TRHDE: variants seen among roughly 807,000 people sequenced by gnomAD.
TRHDE encodes thyrotropin-releasing hormone-degrading ectoenzyme.
TRHDE carries 72 observed loss-of-function variants against 125.7 expected under a neutral mutation model. The ratio of observed to expected loss-of-function variants is 0.57; its 90% CI spans 0.47 to 0.70. The LOEUF is 0.70. Ranked by LOEUF, TRHDE falls within the 30% of genes least tolerant of loss-of-function variation. The pLI, the probability that TRHDE is intolerant of heterozygous loss-of-function variation, is 0.00. For missense variants in TRHDE, 1,110 were observed against 1,327.1 expected (o/e 0.84, Z 2.54); for synonymous variants, 509 against 509.1 (o/e 1.00, Z 0.00).
chr12:72,352,818 G>T (rs1870643328), intron 2 of TRHDE, among the ~76,000 whole-genome samples: 2 of 151,568 alleles, frequency 1.3e-5, no homozygotes, highest in African/African-American at 2.4e-5. Flanking sequence ...ATGATAAATT[G>T]TTCCTCTGGG....
Position 72,273,103 on chromosome 12 carries a change from C to A in TRHDE, c.460C>A (p.Pro154Thr). The change falls in exon 1 of 19, where the codon CCC (proline) becomes ACC (threonine). Residue 154 changes from proline to threonine, a missense_variant. By Grantham distance (38) the Pro-to-Thr change is conservative. This residue lies in a region of TRHDE where 248 missense variants were observed against 240.8 expected (regional missense o/e 1.03). Coordinates refer to ENST00000261180, the MANE Select transcript of TRHDE (RefSeq NM_013381.3). This position sits in a 1 kb window ranked among gnomAD's most constrained non-coding sequence, Gnocchi z 5.3. ...NHHAGGDSWQ[P>T]EAGGVASPGT... ...CCACGCAGGCGGGGACTCCTGGCAGCCCGAGGCGGGTGGGGTGGCCAGTCC... is the reference window on the plus strand; with the variant it reads ...CCACGCAGGCGGGGACTCCTGGCAGACCGAGGCGGGTGGGGTGGCCAGTCC... 1 of 1,522,778 alleles carries A rather than the reference C, an allele frequency of 6.6e-7. No individual in the cohort carries two copies. Among genetic ancestry groups the A allele is most frequent in the Non-Finnish European group, 8.8e-7 (1 of 1,136,102 alleles). The allele number at this position is 1,522,778 out of a possible 1,614,324, so 94.3% of individuals were successfully genotyped here.
At chr12:72,611,196 G>T in intron 12 of TRHDE, 1 of 201,224 alleles carries the variant, frequency 5.0e-6, no homozygotes, top group South Asian at 1.1e-4. Context: ...TGTCTGTGCT[G>T]ATCTGCAGGC....
intron 1 of TRHDE, among the ~76,000 whole-genome samples, chr12:72,090,102 T>C (rs1028584968): frequency 6.6e-6 from 1 of 152,150 alleles, no homozygotes; most frequent in East Asian, 1.9e-4. Flanking sequence ...TAGGTTGACA[T>C]AGACTGTGGC....
In TRHDE at chr12:72,138,295, A is replaced by C. The variant is rs147300030; in HGVS notation, n.279+32543A>C. ...GAGGCTGAGGCAGGGGAATTGCTTG[A>C]ACCTAGGAGGCGGAGGTTGCAGTGA... is the stretch of plus-strand genomic sequence containing the variant. On this transcript the variant is annotated intron_variant and non_coding_transcript_variant, in intron 2 of 4. Transcript: ENST00000548156. Among the ~76,000 whole-genome samples, 174 of 152,258 alleles carry C rather than the reference A, an allele frequency of 1.1e-3. 2 individuals are homozygous for C. The highest frequency in any genetic ancestry group is 3.4e-3 in the Middle Eastern group (1 of 294).
At chr12:72,618,656 T>A (rs1872917667) in intron 12 of TRHDE, among the ~76,000 whole-genome samples, 1 of 152,154 alleles carries the variant, frequency 6.6e-6, no homozygotes, top group Non-Finnish European at 1.5e-5. Context: ...TTTAAAAAAA[T>A]ATGCGTTCTG....
At position 72,187,310 on chromosome 12, in the gene TRHDE, A is replaced by AACACACACACAC. The variant is rs59164233; in HGVS notation, n.279+81599_279+81610dup. On this transcript the variant is annotated intron_variant and non_coding_transcript_variant, in intron 2 of 4. Transcript: ENST00000548156. The stretch of plus-strand genomic sequence containing the variant: ...GTACTAGGGTTCTTCAGAGAAACAC[A>AACACACACACAC]ACACACACACACACACACACACACA... 2.0e-3 allele frequency among the ~76,000 whole-genome samples: 257 copies of AACACACACACAC among 131,324 alleles called. 1 individual carries two copies. The highest frequency in any genetic ancestry group is 5.8e-3 in the African/African-American group (201 of 34,474). 86.2% of individuals were successfully genotyped at this position (131,324 alleles called of 152,430 possible).
At chr12:72,441,339 T>G (rs1875001253) in intron 3 of TRHDE, among the ~76,000 whole-genome samples, 1 of 151,906 alleles carries the variant, frequency 6.6e-6, no homozygotes, top group East Asian at 1.9e-4. Flanking sequence ...ACAGCAGTAA[T>G]AAAATTGACT....
intron 3 of TRHDE, among the ~76,000 whole-genome samples, chr12:72,378,491 C>T (rs559893602): frequency 1.2e-4 from 19 of 152,206 alleles, no homozygotes; most frequent in Middle Eastern, 6.8e-3. Context: ...AGTTGAGACC[C>T]AGGGAGTTTT....
chr12:72,298,926 G>A (rs1880403559), intron 2 of TRHDE, among the ~76,000 whole-genome samples: 1 of 152,126 alleles, frequency 6.6e-6, no homozygotes, highest in Non-Finnish European at 1.5e-5. Flanking sequence ...GACTGTCTGG[G>A]CAAGCAAGTG....
At chr12:72,468,055 C>A (rs1055326747) in intron 3 of TRHDE, among the ~76,000 whole-genome samples, 2 of 152,134 alleles carry the variant, frequency 1.3e-5, no homozygotes, top group African/African-American at 4.8e-5. Flanking sequence ...TGACTGTCTT[C>A]CATCCTTTTC....
At chr12:72,438,585 T>A (rs1203380733) in intron 3 of TRHDE, among the ~76,000 whole-genome samples, 1 of 151,898 alleles carries the variant, frequency 6.6e-6, no homozygotes. Context: ...ATGTCTATCA[T>A]GGTGTTTTGC....
chr12:72,401,847 T>G (rs79617532), intron 3 of TRHDE, among the ~76,000 whole-genome samples: 3 of 152,166 alleles, frequency 2.0e-5, no homozygotes, highest in Admixed American at 2.0e-4. Context: ...TGGAATTGAT[T>G]GCCTGGGATG....
At chr12:72,637,240 T>A (rs1364258785) in intron 15 of TRHDE, among the ~76,000 whole-genome samples, 9 of 152,102 alleles carry the variant, frequency 5.9e-5, no homozygotes, top group East Asian at 1.9e-4. Flanking sequence ...GGGAGAGTGT[T>A]TGTGTCGAGG....
intron 2 of TRHDE, among the ~76,000 whole-genome samples, chr12:72,362,737 TG>T (rs1429412796): frequency 2.6e-5 from 4 of 152,106 alleles, no homozygotes; most frequent in Non-Finnish European, 5.9e-5. Context: ...AATTAATTTT[TG>T]TATAAGGTGT....
chr12:72,421,725 T>G (rs1308685655), intron 3 of TRHDE, among the ~76,000 whole-genome samples: 1 of 152,142 alleles, frequency 6.6e-6, no homozygotes. Context: ...GTTAGTTTGA[T>G]TATTATTATT....
intron 2 of TRHDE, among the ~76,000 whole-genome samples, chr12:72,351,451 T>C (rs954144328): frequency 6.6e-6 from 1 of 151,950 alleles, no homozygotes. Context: ...CATACAGAGA[T>C]GTACTCAACT....
chr12:72,669,059 C>T lies in TRHDE; in HGVS notation c.*5864C>T, dbSNP rs1875187062. The T allele has an allele frequency of 6.6e-6, 1 of 151,594 alleles. No individual in the cohort carries two copies. The highest frequency in any genetic ancestry group is 1.9e-4 in the East Asian group (1 of 5,152). The allele number at this position is 151,594 out of a possible 1,614,324, so 9.4% of individuals were successfully genotyped here. A position where few individuals can be genotyped will look rare whatever the true frequency, so the allele number is the denominator to read the frequency against. On this transcript the variant is annotated 3_prime_UTR_variant, in exon 19 of 19. Transcript: ENST00000261180. ...TTTTCATGAAAACATTTTACATTAGCATGTTGTGTAGTGGGTTTTAAGTTA... is the reference window on the plus strand; with the variant it reads ...TTTTCATGAAAACATTTTACATTAGTATGTTGTGTAGTGGGTTTTAAGTTA...
At chr12:72,611,908 T>G (rs2136069723) in intron 12 of TRHDE, among the ~76,000 whole-genome samples, 1 of 152,316 alleles carries the variant, frequency 6.6e-6, no homozygotes, top group South Asian at 2.1e-4. Flanking sequence ...CTATCGTGAA[T>G]ACTGACATCT....
At chr12:72,565,584 C>T (rs1870401511) in intron 9 of TRHDE, among the ~76,000 whole-genome samples, 1 of 152,168 alleles carries the variant, frequency 6.6e-6, no homozygotes, top group Admixed American at 6.5e-5. Context: ...AGGAGCTTCT[C>T]AGCGTTCTTT....
Sources: allele counts gnomAD v4.1 joint callset (sites outside exome capture counted in the v4.1 genomes callset), GRCh38; gene constraint gnomAD v4.1.1; regional missense constraint gnomAD v4.1.1; non-coding constraint Gnocchi (gnomAD v3.1); transcripts MANE v1.5; gene names NCBI Gene and HGNC (gene_info 2026-07-23, HGNC 2026-07-21).